The following MECOM variants were observed in gnomAD, a reference collection of about 807,000 sequenced individuals.
MECOM encodes the protein histone-lysine N-methyltransferase MECOM.
A neutral mutation model predicts 116.3 loss-of-function variants in MECOM; 13 were observed. The ratio of observed to expected loss-of-function variants is 0.11; its 90% CI spans 0.07 to 0.18. The LOEUF (loss-of-function observed/expected upper bound fraction) is 0.18. Ranked by LOEUF, MECOM falls within the 10% of genes least tolerant of loss-of-function variation. The probability of loss-of-function intolerance (pLI) is 1.00; values close to 1 mark genes in which losing one functional copy is unlikely to be tolerated. For missense variants in MECOM, 1,299 were observed against 1,509.0 expected (o/e 0.86, Z 2.31); for synonymous variants, 528 against 535.2 (o/e 0.99, Z 0.19).
chr3:169,100,443 A>T (rs565818893), intron 12 of MECOM, among the ~76,000 whole-genome samples: 1 of 152,220 alleles, frequency 6.6e-6, no homozygotes, highest in South Asian at 2.1e-4. Flanking sequence ...ATGGAAAATG[A>T]CTTAGCTGTG....
At chr3:169,135,691 A>G (rs1182931232) in intron 3 of MECOM, among the ~76,000 whole-genome samples, 1 of 151,928 alleles carries the variant, frequency 6.6e-6, no homozygotes, top group Non-Finnish European at 1.5e-5. Flanking sequence ...ATTTTATCAC[A>G]TAAAAAATTA....
At chr3:169,484,581 C>CTCAAAGAAA (rs1246640570) in intron 1 of MECOM, among the ~76,000 whole-genome samples, 2 of 151,994 alleles carry the variant, frequency 1.3e-5, no homozygotes, top group African/African-American at 4.8e-5. Flanking sequence ...ATATAAACAC[C>CTCAAAGAAA]TCAAAGAAAT....
intron 2 of MECOM, among the ~76,000 whole-genome samples, chr3:169,215,992 G>T (rs1369770410): frequency 6.6e-6 from 1 of 152,166 alleles, no homozygotes. Flanking sequence ...TATGCTTCAT[G>T]TTTTCTCACA....
intron 2 of MECOM, among the ~76,000 whole-genome samples, chr3:169,164,162 T>A (rs1559939632): frequency 1.3e-5 from 2 of 152,132 alleles, no homozygotes; most frequent in East Asian, 3.9e-4. Flanking sequence ...AATTCTCACA[T>A]GTTGTGGGAG....
chr3:169,185,832 C>T (rs994127503), intron 2 of MECOM, among the ~76,000 whole-genome samples: 2 of 152,138 alleles, frequency 1.3e-5, no homozygotes, highest in Non-Finnish European at 1.5e-5. Context: ...GTAATTCAAC[C>T]GAGTCTTTTC....
chr3:169,417,963 TG>T (rs1374145141), intron 1 of MECOM, among the ~76,000 whole-genome samples: 1 of 131,226 alleles, frequency 7.6e-6, no homozygotes, highest in African/African-American at 2.9e-5. Flanking sequence ...GTTGTGGGGT[TG>T]GGGGAGCGGG....
intron 2 of MECOM, among the ~76,000 whole-genome samples, chr3:169,282,624 C>A (rs1373449731): frequency 6.6e-6 from 1 of 152,098 alleles, no homozygotes; most frequent in Non-Finnish European, 1.5e-5. Flanking sequence ...ATGTGACCGA[C>A]GCTGCCATTC....
At chr3:169,528,181 G>C (rs972523032) in intron 1 of MECOM, among the ~76,000 whole-genome samples, 1 of 152,192 alleles carries the variant, frequency 6.6e-6, no homozygotes, top group African/African-American at 2.4e-5. Flanking sequence ...GGCAAATTTT[G>C]AGTTGTAAAT....
At chr3:169,549,087 C>T (rs1357877043) in intron 1 of MECOM, among the ~76,000 whole-genome samples, 1 of 151,584 alleles carries the variant, frequency 6.6e-6, no homozygotes, top group Non-Finnish European at 1.5e-5. Context: ...GATTCTCCTG[C>T]CTCAGCCTCC....
rs1415631608 is a variant in MECOM at position 169,180,793 on chromosome 3, T to TTATATATATATATATA, written c.376-36962_376-36961insTATATATATATATATA. The stretch of plus-strand genomic sequence containing the variant: ...TTATGTATGTGTGTGTGTGTGGAGA[T>TTATATATATATATATA]GATATATATATATATATATATCAGG... On this transcript the variant is annotated intron_variant, in intron 2 of 16. Transcript: ENST00000651503. Among the ~76,000 whole-genome samples the TTATATATATATATATA allele has an allele frequency of 1.2e-3, 88 of 71,154 alleles. 8 individuals are homozygous for TTATATATATATATATA. The East Asian group carries it at 0.018, about 14-fold the overall frequency. 46.7% of individuals were successfully genotyped at this position (71,154 alleles called of 152,430 possible).
intron 1 of MECOM, among the ~76,000 whole-genome samples, chr3:169,531,049 A>G (rs1342688331): frequency 2.6e-5 from 4 of 151,968 alleles, no homozygotes; most frequent in Non-Finnish European, 5.9e-5. Flanking sequence ...CCCTTTGCCT[A>G]TTTTCTAGTG....
intron 1 of MECOM, among the ~76,000 whole-genome samples, chr3:169,437,324 T>C (rs1024430805): frequency 1.6e-4 from 25 of 152,314 alleles, no homozygotes; most frequent in Admixed American, 1.2e-3. Context: ...CTAAAATCAA[T>C]CTATTAAATT....
rs1486696025 is a variant in MECOM, at chr3:169,651,563, T to C, written c.37+11773A>G. On this transcript the variant is annotated intron_variant, in intron 1 of 16. Coordinates refer to ENST00000651503, the MANE Select transcript of MECOM (RefSeq NM_004991.4). Reference sequence around the variant, plus strand: ...TCAGGAATGGAAAACCAAACATTGATGTTCTCGCTGATATATGGGAGCTAA... The same window carrying C: ...TCAGGAATGGAAAACCAAACATTGACGTTCTCGCTGATATATGGGAGCTAA... 2.0e-5 allele frequency among the ~76,000 whole-genome samples: 3 copies of C among 152,170 alleles called. No homozygotes were observed. In the East Asian group the frequency reaches 5.8e-4, roughly 29 times the overall value.
intron 2 of MECOM, among the ~76,000 whole-genome samples, chr3:169,289,551 G>T (rs1191037792): frequency 1.3e-5 from 2 of 152,114 alleles, no homozygotes; most frequent in Admixed American, 6.6e-5. Flanking sequence ...AAACAAAAAG[G>T]GTTGTTTCTG....
At chr3:169,463,969 G>T (rs1477559534) in intron 1 of MECOM, 1 of 152,022 alleles carries the variant, frequency 6.6e-6, no homozygotes, top group Non-Finnish European at 1.5e-5. Flanking sequence ...ACTAATGAAG[G>T]TTCCTCCTTA....
intron 2 of MECOM, among the ~76,000 whole-genome samples, chr3:169,331,322 T>C (rs1722670368): frequency 6.6e-6 from 1 of 152,132 alleles, no homozygotes; most frequent in Admixed American, 6.6e-5. Flanking sequence ...TTTGACTCTC[T>C]GAACCTAGTT....
chr3:169,362,787 A>G (rs1168387433), intron 2 of MECOM, among the ~76,000 whole-genome samples: 1 of 151,934 alleles, frequency 6.6e-6, no homozygotes, highest in Non-Finnish European at 1.5e-5. Flanking sequence ...ACAGTGAGGA[A>G]AAGCCCACCA....
At chr3:169,122,471 A>G (rs887947861) in intron 6 of MECOM, 109 bp downstream of exon 6, 1 of 1,272,238 alleles carries the variant, frequency 7.9e-7, no homozygotes, top group African/African-American at 1.5e-5. Flanking sequence ...TTCTCAAGAT[A>G]TTTATAGTTT....
intron 1 of MECOM, among the ~76,000 whole-genome samples, chr3:169,442,537 T>C (rs952558154): frequency 1.1e-4 from 16 of 152,346 alleles, no homozygotes; most frequent in African/African-American, 3.6e-4. Flanking sequence ...GGTATACTAA[T>C]GTAATCTCTT....
Sources: allele counts gnomAD v4.1 joint callset (sites outside exome capture counted in the v4.1 genomes callset), GRCh38; gene constraint gnomAD v4.1.1; transcripts MANE v1.5; gene names NCBI Gene and HGNC (gene_info 2026-07-23, HGNC 2026-07-21).